Variants in ITPR2 observed in about 807,000 individuals in gnomAD.
ITPR2 encodes inositol 1,4,5-trisphosphate-gated calcium channel ITPR2.
In ITPR2, 207 loss-of-function variants were observed where a neutral mutation model predicts 317.1. The observed-to-expected ratio is 0.65, with a 90% confidence interval of 0.58 to 0.73. The LOEUF is 0.73. Among genes scored for constraint, ITPR2 ranks in the 30% least tolerant of loss-of-function variants. ITPR2 has a pLI of 0.00. For missense variants in ITPR2, 2,613 were observed against 3,284.0 expected, an observed-to-expected ratio of 0.80 and a Z score of 4.99; for synonymous variants, 1,156 against 1,149.1, an observed-to-expected ratio of 1.01 and a Z score of -0.12.
chr12:26,372,858 T>C (rs1939225164), intron 55 of ITPR2, among the ~76,000 whole-genome samples: 1 of 152,202 alleles, frequency 6.6e-6, no homozygotes, highest in South Asian at 2.1e-4. Context: ...AGCATAGGTG[T>C]AGCCTGAGAC....
At chr12:26,554,787 A>G (rs1427729116) in intron 36 of ITPR2, among the ~76,000 whole-genome samples, 2 of 150,166 alleles carry the variant, frequency 1.3e-5, no homozygotes, top group African/African-American at 2.5e-5. Flanking sequence ...TTTTTTTTTC[A>G]TTTAGTTCTT....
chr12:26,788,352 C>T (rs1237835264), intron 2 of ITPR2, among the ~76,000 whole-genome samples: 1 of 152,190 alleles, frequency 6.6e-6, no homozygotes, highest in Non-Finnish European at 1.5e-5. Flanking sequence ...TGACAGATGT[C>T]CTCTGAGGCT....
At chr12:26,413,505 A>G (rs1345217013) in intron 51 of ITPR2, among the ~76,000 whole-genome samples, 1 of 152,236 alleles carries the variant, frequency 6.6e-6, no homozygotes, top group Non-Finnish European at 1.5e-5. Context: ...ACTTAGCACT[A>G]TGTATCAATA....
chr12:26,753,242 G>C (rs1416432759), intron 2 of ITPR2, among the ~76,000 whole-genome samples: 1 of 152,150 alleles, frequency 6.6e-6, no homozygotes, highest in African/African-American at 2.4e-5. Flanking sequence ...GGGGTTAAAG[G>C]CCTCTCTCAG....
At chr12:26,581,483 A>T (rs1167499140) in intron 32 of ITPR2, among the ~76,000 whole-genome samples, 1 of 152,186 alleles carries the variant, frequency 6.6e-6, no homozygotes, top group Non-Finnish European at 1.5e-5. Context: ...AATTATGTCA[A>T]ATTATGTAAC....
chr12:26,787,922 C>CTTTT (rs71069268), intron 2 of ITPR2, among the ~76,000 whole-genome samples: 2 of 120,228 alleles, frequency 1.7e-5, no homozygotes, highest in Non-Finnish European at 3.4e-5. Flanking sequence ...GGTGACTATC[C>CTTTT]TTTTTTTTTT....
At position 26,469,526 on chromosome 12, in the gene ITPR2, A is replaced by G. The variant is rs78270658; in HGVS notation, c.6342+5770T>C. ...AACCCTCCAGATCAACCAATCTCTA[A>G]TAGCCTCTAGTAACTGTCTTTCACC... On this transcript the variant is annotated intron_variant, in intron 45 of 56. Transcript: ENST00000381340. Among the ~76,000 whole-genome samples, 82 of 152,252 alleles carry G rather than the reference A, an allele frequency of 5.4e-4. 2 individuals carry two copies. The East Asian group carries it at 0.015, about 28-fold the overall frequency.
intron 34 of ITPR2, among the ~76,000 whole-genome samples, chr12:26,566,246 GGTGAGAGGAGA>G (rs1944981335): frequency 7.7e-6 from 1 of 129,102 alleles, no homozygotes; most frequent in Admixed American, 7.5e-5. Context: ...AAAGAGGAGA[GGTGAGAGGAGA>G]GGGAGAGGAG....
chr12:26,429,441 A>T (rs918032306), intron 48 of ITPR2, among the ~76,000 whole-genome samples: 10 of 152,196 alleles, frequency 6.6e-5, no homozygotes, highest in African/African-American at 2.4e-4. Context: ...TGGCAATGCT[A>T]ACATACAGGT....
intron 2 of ITPR2, among the ~76,000 whole-genome samples, chr12:26,755,834 A>T (rs143827793): frequency 6.6e-6 from 1 of 152,326 alleles, no homozygotes; most frequent in Non-Finnish European, 1.5e-5. Context: ...TGTCTATGAC[A>T]GTCCCTATAC....
At chr12:26,404,604 A>T in intron 52 of ITPR2, among the ~76,000 whole-genome samples, 2 of 152,276 alleles carry the variant, frequency 1.3e-5, no homozygotes, top group South Asian at 4.2e-4. Flanking sequence ...AAATTAAAGG[A>T]GAGAGGGTCG....
At chr12:26,810,156 T>G (rs2137262651) in intron 1 of ITPR2, among the ~76,000 whole-genome samples, 1 of 152,370 alleles carries the variant, frequency 6.6e-6, no homozygotes, top group South Asian at 2.1e-4. Flanking sequence ...AGGTCTGTGA[T>G]GGGCACATGA....
Position 26,831,684 on chromosome 12 carries a change from A to ATG in ITPR2, c.92+1005_92+1006insCA, listed in dbSNP as rs1951104708. ...GGCACACTGTTTTATATATAAATAT[A>ATG]TATATATATTCTACATAAAATATAT... On this transcript the variant is annotated intron_variant, in intron 1 of 56. Transcript: ENST00000381340. The surrounding 1 kb of genome is among the most constrained non-coding windows in gnomAD (Gnocchi z 4.9). Among the ~76,000 whole-genome samples, 3 of 147,042 alleles carry ATG rather than the reference A, an allele frequency of 2.0e-5. No individual in the cohort carries two copies. In the South Asian group the frequency reaches 6.3e-4, roughly 31 times the overall value.
intron 2 of ITPR2, among the ~76,000 whole-genome samples, chr12:26,741,384 T>C (rs1229678642): frequency 6.6e-6 from 1 of 152,252 alleles, no homozygotes; most frequent in Non-Finnish European, 1.5e-5. Context: ...AAATTACTTT[T>C]CTAAGTGCTG....
chr12:26,551,879 G>A (rs1277134454), intron 36 of ITPR2, among the ~76,000 whole-genome samples: 2 of 152,176 alleles, frequency 1.3e-5, no homozygotes, highest in South Asian at 4.1e-4. Flanking sequence ...TTGGAAAGAA[G>A]GGACTGGAAT....
chr12:26,766,586 A>AT (rs1007822487), intron 2 of ITPR2, among the ~76,000 whole-genome samples: 2 of 152,068 alleles, frequency 1.3e-5, no homozygotes, highest in Non-Finnish European at 2.9e-5. Context: ...CACTTTCTTG[A>AT]TGGTGTCCTT....
intron 45 of ITPR2, among the ~76,000 whole-genome samples, chr12:26,446,516 T>A (rs1351559013): frequency 2.6e-5 from 4 of 152,060 alleles, no homozygotes; most frequent in Non-Finnish European, 5.9e-5. Context: ...CTTTATAGGG[T>A]CAAAAATTGC....
intron 55 of ITPR2, among the ~76,000 whole-genome samples, chr12:26,342,190 G>A (rs1423683093): frequency 6.6e-6 from 1 of 152,060 alleles, no homozygotes; most frequent in African/African-American, 2.4e-5. Context: ...AAGGTTTAAG[G>A]GAGCTGGGAA....
chr12:26,720,156 T>G (rs1948809946), intron 5 of ITPR2, among the ~76,000 whole-genome samples: 1 of 152,148 alleles, frequency 6.6e-6, no homozygotes, highest in Non-Finnish European at 1.5e-5. Context: ...ATAAGCTATA[T>G]CATAAAGTTG....
Sources: allele counts gnomAD v4.1 joint callset (sites outside exome capture counted in the v4.1 genomes callset), GRCh38; gene constraint gnomAD v4.1.1; non-coding constraint Gnocchi (gnomAD v3.1); transcripts MANE v1.5; gene names NCBI Gene and HGNC (gene_info 2026-07-23, HGNC 2026-07-21).